The following MDGA2 variants were observed in gnomAD, a reference collection of about 807,000 sequenced individuals.
MDGA2 encodes MAM domain containing glycosylphosphatidylinositol anchor 2.
Under a neutral mutation model 117.8 loss-of-function variants are expected in MDGA2, and 40 were observed. The observed-to-expected ratio is 0.34, with a 90% CI of 0.26 to 0.44. MDGA2 has a LOEUF of 0.44. MDGA2 is among the 20% of genes least tolerant of loss of function. MDGA2 has a pLI of 1.00. For missense variants in MDGA2, 1,123 were observed against 1,250.6 expected (o/e 0.90, Z 1.54); for synonymous variants, 452 against 439.0 (o/e 1.03, Z -0.37).
intron 1 of MDGA2, among the ~76,000 whole-genome samples, chr14:47,305,019 A>T (rs957175832): frequency 4.6e-5 from 7 of 152,170 alleles, no homozygotes; most frequent in African/African-American, 1.4e-4. Flanking sequence ...GATAGTAAGC[A>T]TCTCAGTGCC....
chr14:47,476,233 G>A (rs1893834164), intron 1 of MDGA2, among the ~76,000 whole-genome samples: 1 of 152,220 alleles, frequency 6.6e-6, no homozygotes, highest in South Asian at 2.1e-4. Context: ...AGTCACACTT[G>A]CTAGGAGTAT....
intron 1 of MDGA2, among the ~76,000 whole-genome samples, chr14:47,466,573 T>C (rs909239427): frequency 6.6e-6 from 1 of 152,086 alleles, no homozygotes; most frequent in Non-Finnish European, 1.5e-5. Flanking sequence ...CTGTGCCTCA[T>C]TTACAATACA....
chr14:47,621,697 G>A (rs1464691566), intron 1 of MDGA2, among the ~76,000 whole-genome samples: 3 of 152,138 alleles, frequency 2.0e-5, no homozygotes, highest in Non-Finnish European at 4.4e-5. Context: ...ACACAAGAAT[G>A]TCAAGTCCTA....
At chr14:46,849,069 T>C (rs751080383) in intron 15 of MDGA2, among the ~76,000 whole-genome samples, 2 of 152,046 alleles carry the variant, frequency 1.3e-5, no homozygotes, top group Non-Finnish European at 2.9e-5. Flanking sequence ...ATAGCAGGAA[T>C]TTTAGACATT....
At chr14:47,080,374 G>T (rs947768589) in intron 6 of MDGA2, among the ~76,000 whole-genome samples, 1 of 152,088 alleles carries the variant, frequency 6.6e-6, no homozygotes, top group Non-Finnish European at 1.5e-5. Context: ...TTACTTCAGT[G>T]AGAAAATATA....
rs144621086 is a variant in MDGA2, at chr14:47,341,745, G to A, written c.281-40195C>T. On this transcript the variant is annotated intron_variant, in intron 1 of 16. Transcript: ENST00000399232. Reference sequence around the variant, plus strand: ...GTGCAGTTATCTGTGTTATTTTGGCGGCAGCTATTTGCAAAAGACAGAGGG... The same window carrying A: ...GTGCAGTTATCTGTGTTATTTTGGCAGCAGCTATTTGCAAAAGACAGAGGG... Among the ~76,000 whole-genome samples, 1,062 of 152,188 alleles carry A rather than the reference G, an allele frequency of 7.0e-3. 15 individuals carry two copies. The highest frequency in any genetic ancestry group is 0.023 in the African/African-American group (969 of 41,522).
intron 7 of MDGA2, among the ~76,000 whole-genome samples, chr14:47,047,476 A>G: frequency 6.6e-6 from 1 of 152,098 alleles, no homozygotes; most frequent in East Asian, 1.9e-4. Flanking sequence ...GGCTGCCTAG[A>G]TTCAGTTCCT....
intron 2 of MDGA2, among the ~76,000 whole-genome samples, chr14:47,220,304 A>G (rs1425168343): frequency 1.3e-5 from 2 of 152,208 alleles, no homozygotes; most frequent in African/African-American, 4.8e-5. Context: ...TCAGGCTTCC[A>G]GGAAAAAGGG....
Position 47,674,799 on chromosome 14 carries a change from A to ACACACACACT in MDGA2, c.-13_-4dup, listed in dbSNP as rs780060853. ...AGCCCCGCACTCCACACACTCATGCACACACACACTCACACACACTCACAC... is the reference window on the plus strand; with the variant it reads ...AGCCCCGCACTCCACACACTCATGCACACACACACTCACACACACTCACACACACTCACAC... On this transcript the variant is annotated 5_prime_UTR_variant, in exon 1 of 17. Coordinates refer to ENST00000399232, the MANE Select transcript of MDGA2 (RefSeq NM_001113498.3). 14 of 674,824 alleles carry ACACACACACT rather than the reference A, an allele frequency of 2.1e-5. No homozygotes were observed. Among genetic ancestry groups the ACACACACACT allele is most frequent in the South Asian group, 1.3e-4 (8 of 63,774 alleles). The allele number at this position is 674,824 out of a possible 1,614,324, so 41.8% of individuals were successfully genotyped here.
chr14:47,159,620 C>CT (rs1420817193), intron 3 of MDGA2, among the ~76,000 whole-genome samples: 1 of 152,098 alleles, frequency 6.6e-6, no homozygotes, highest in Non-Finnish European at 1.5e-5. Context: ...CCGTAACAGG[C>CT]TTTTTTGCTC....
chr14:47,224,459 T>A (rs1341460095), intron 2 of MDGA2, among the ~76,000 whole-genome samples: 1 of 152,054 alleles, frequency 6.6e-6, no homozygotes, highest in African/African-American at 2.4e-5. Context: ...ATTGTGTAGA[T>A]GCAACAAACT....
chr14:47,285,990 A>G (rs1192476295), intron 2 of MDGA2, among the ~76,000 whole-genome samples: 3 of 151,822 alleles, frequency 2.0e-5, no homozygotes, highest in Non-Finnish European at 4.4e-5. Flanking sequence ...GAGACCTACT[A>G]CGTGTGAAGC....
At chr14:46,967,254 T>C (rs542792732) in intron 8 of MDGA2, among the ~76,000 whole-genome samples, 76 of 152,262 alleles carry the variant, frequency 5.0e-4, no homozygotes, top group African/African-American at 1.7e-3. Flanking sequence ...ACAATCTTAA[T>C]TATTTAACCA....
At chr14:47,030,087 G>C (rs1376616301) in intron 8 of MDGA2, among the ~76,000 whole-genome samples, 5 of 151,892 alleles carry the variant, frequency 3.3e-5, no homozygotes. Flanking sequence ...CAGCCTCCCA[G>C]AGCGCTGGGA....
chr14:46,978,487 C>A (rs1421994058), intron 8 of MDGA2, among the ~76,000 whole-genome samples: 2 of 152,002 alleles, frequency 1.3e-5, no homozygotes, highest in Non-Finnish European at 2.9e-5. Flanking sequence ...ATAGTGGATG[C>A]TCTCATGATA....
chr14:47,662,652 T>C (rs1858404048), intron 1 of MDGA2, among the ~76,000 whole-genome samples: 2 of 152,022 alleles, frequency 1.3e-5, no homozygotes, highest in Admixed American at 6.5e-5. Flanking sequence ...GCTGCTGCAA[T>C]TGGAGGGATG....
intron 1 of MDGA2, among the ~76,000 whole-genome samples, chr14:47,634,368 C>T (rs1380237963): frequency 6.6e-6 from 1 of 151,708 alleles, no homozygotes; most frequent in African/African-American, 2.4e-5. Context: ...ATTATATAAT[C>T]ATATCAAGAA....
chr14:46,898,995 A>C (rs1293719783), intron 10 of MDGA2, among the ~76,000 whole-genome samples: 1 of 152,080 alleles, frequency 6.6e-6, no homozygotes, highest in Non-Finnish European at 1.5e-5. Context: ...TCAACCTTGG[A>C]GACACTATAA....
At chr14:47,369,351 T>C (rs1055148870) in intron 1 of MDGA2, among the ~76,000 whole-genome samples, 1 of 152,148 alleles carries the variant, frequency 6.6e-6, no homozygotes, top group African/African-American at 2.4e-5. Flanking sequence ...TTTGTACATA[T>C]AATTTTGTCC....
Sources: gnomAD v4.1 joint callset for allele counts (sites outside exome capture counted in the v4.1 genomes callset) on GRCh38, gnomAD v4.1.1 for gene constraint, MANE v1.5 for transcripts, NCBI Gene and HGNC (gene_info 2026-07-23, HGNC 2026-07-21) for gene names.